The following LRRC4C variants were observed in gnomAD, a reference collection of about 807,000 sequenced individuals.
The protein encoded by LRRC4C is leucine-rich repeat-containing protein 4C.
Under a neutral mutation model 33.6 loss-of-function variants are expected in LRRC4C, and 5 were observed. The observed-to-expected ratio is 0.15, with a 90% CI of 0.08 to 0.31. The LOEUF (loss-of-function observed/expected upper bound fraction) is 0.31, where lower values mean the gene tolerates loss of function less well. LRRC4C is among the 10% of genes least tolerant of loss of function. LRRC4C has a pLI of 1.00. For synonymous variants in LRRC4C, 329 were observed against 302.0 expected, an observed-to-expected ratio of 1.09 and a Z score of -0.93; for missense variants, 560 against 796.7, an observed-to-expected ratio of 0.70 and a Z score of 3.58.
In LRRC4C at chr11:40,680,258, T is replaced by G. The variant is rs554987044; in HGVS notation, c.-406-31980A>C. On this transcript the variant is annotated intron_variant, in intron 2 of 6. Coordinates refer to ENST00000528697, the MANE Select transcript of LRRC4C (RefSeq NM_001258419.2). ...TAGGAAGTAACTAACTTGCTTTTGA[T>G]TTTACAGGCTTACAGGTGGAAGGTA... is the stretch of plus-strand genomic sequence containing the variant. 3.3e-5 allele frequency among the ~76,000 whole-genome samples: 5 copies of G among 152,352 alleles called. No individual in the cohort carries two copies. In the South Asian group the frequency reaches 1.0e-3, roughly 32 times the overall value.
chr11:40,356,288 C>G (rs1158232283), intron 3 of LRRC4C, among the ~76,000 whole-genome samples: 1 of 152,112 alleles, frequency 6.6e-6, no homozygotes, highest in Non-Finnish European at 1.5e-5. Context: ...TCAGAATGAG[C>G]CAGCTCCAGA....
intron 1 of LRRC4C, among the ~76,000 whole-genome samples, chr11:41,089,867 G>C (rs1940278308): frequency 6.6e-6 from 1 of 151,828 alleles, no homozygotes; most frequent in South Asian, 2.1e-4. Context: ...CTAATTTTTA[G>C]TAATATAAAT....
intron 1 of LRRC4C, among the ~76,000 whole-genome samples, chr11:41,439,109 A>G (rs1007882327): frequency 6.6e-6 from 1 of 152,060 alleles, no homozygotes; most frequent in Non-Finnish European, 1.5e-5. Context: ...CTGTATATCT[A>G]TGAGTATCCA....
intron 3 of LRRC4C, among the ~76,000 whole-genome samples, chr11:40,459,389 C>T (rs1952284825): frequency 6.6e-6 from 1 of 151,622 alleles, no homozygotes; most frequent in Non-Finnish European, 1.5e-5. Flanking sequence ...ACTCAGGAAT[C>T]TGTCAGCCAG....
rs77934711 is a variant in LRRC4C, at chr11:40,382,123, A to ATT, written c.-269-62404_-269-62403dup. ...AGGCGCCCACCACTATGCCCGGCTA[A>ATT]TTTTTTTTTTTTTTTTTTTTTTTTT... is the stretch of plus-strand genomic sequence containing the variant. On this transcript the variant is annotated intron_variant, in intron 3 of 6. Coordinates refer to ENST00000528697, the MANE Select transcript of LRRC4C (RefSeq NM_001258419.2). 8.5e-3 allele frequency among the ~76,000 whole-genome samples: 851 copies of ATT among 99,808 alleles called. 20 individuals are homozygous for ATT. The highest frequency in any genetic ancestry group is 0.011 in the Non-Finnish European group (546 of 49,520). 65.5% of individuals were successfully genotyped at this position (99,808 alleles called of 152,430 possible).
intron 3 of LRRC4C, among the ~76,000 whole-genome samples, chr11:40,374,090 A>C (rs929239167): frequency 6.6e-6 from 1 of 152,218 alleles, no homozygotes; most frequent in South Asian, 2.1e-4. Flanking sequence ...TAACAACAAC[A>C]AGCTTTGTCA....
chr11:40,654,932 A>T (rs1041122973), intron 2 of LRRC4C, among the ~76,000 whole-genome samples: 1 of 152,088 alleles, frequency 6.6e-6, no homozygotes, highest in African/African-American at 2.4e-5. Context: ...ATGGTTTTTT[A>T]AGTGTCTGGC....
At chr11:40,866,739 A>T (rs756599903) in intron 2 of LRRC4C, among the ~76,000 whole-genome samples, 7 of 152,060 alleles carry the variant, frequency 4.6e-5, no homozygotes, top group Admixed American at 3.9e-4. Flanking sequence ...CCAGAATAAT[A>T]ATTATTATTA....
intron 6 of LRRC4C, among the ~76,000 whole-genome samples, chr11:40,117,042 T>G (rs1406804447): frequency 6.6e-6 from 1 of 152,204 alleles, no homozygotes; most frequent in African/African-American, 2.4e-5. Context: ...GAATTGCCAT[T>G]CTTTTCATTT....
intron 2 of LRRC4C, among the ~76,000 whole-genome samples, chr11:40,685,920 T>G (rs1299777433): frequency 6.6e-6 from 1 of 151,774 alleles, no homozygotes; most frequent in Non-Finnish European, 1.5e-5. Context: ...TCCTTGACTC[T>G]AAGAATTCTA....
chr11:41,217,275 A>G (rs1045565178), intron 1 of LRRC4C, among the ~76,000 whole-genome samples: 1 of 152,208 alleles, frequency 6.6e-6, no homozygotes, highest in African/African-American at 2.4e-5. Context: ...TTTAGCAACT[A>G]TCTGGTAACT....
chr11:41,222,349 A>T (rs1947344976), intron 1 of LRRC4C, among the ~76,000 whole-genome samples: 1 of 152,192 alleles, frequency 6.6e-6, no homozygotes, highest in Non-Finnish European at 1.5e-5. Flanking sequence ...CCATACAGAC[A>T]GCTGACACTT....
intron 5 of LRRC4C, among the ~76,000 whole-genome samples, chr11:40,156,554 A>C (rs1346957739): frequency 6.6e-6 from 1 of 152,094 alleles, no homozygotes; most frequent in Non-Finnish European, 1.5e-5. Context: ...ACACCAACAG[A>C]AACCAAGCAG....
chr11:41,085,923 G>T, intron 1 of LRRC4C, among the ~76,000 whole-genome samples: 1 of 43,142 alleles, frequency 2.3e-5, no homozygotes, highest in South Asian at 7.5e-4. Context: ...TGATTTTTAA[G>T]ACACCAAAAA....
chr11:40,945,392 G>A (rs1052170523), intron 1 of LRRC4C, among the ~76,000 whole-genome samples: 48 of 152,146 alleles, frequency 3.2e-4, no homozygotes, highest in African/African-American at 1.0e-3. Context: ...TTTAAAAAAA[G>A]TTATCAATTT....
intron 3 of LRRC4C, among the ~76,000 whole-genome samples, chr11:40,510,601 C>T (rs991490074): frequency 6.6e-6 from 1 of 152,130 alleles, no homozygotes; most frequent in Non-Finnish European, 1.5e-5. Context: ...ACAGGTTCCT[C>T]TTTGTTGACA....
intron 5 of LRRC4C, among the ~76,000 whole-genome samples, chr11:40,199,319 T>C (rs760095142): frequency 2.6e-5 from 4 of 152,254 alleles, no homozygotes; most frequent in Non-Finnish European, 2.9e-5. Context: ...GATCCACCCA[T>C]GTCGGTATCC....
intron 3 of LRRC4C, among the ~76,000 whole-genome samples, chr11:40,471,982 A>G (rs1177547710): frequency 6.6e-6 from 1 of 152,172 alleles, no homozygotes; most frequent in African/African-American, 2.4e-5. Context: ...AGTGCAATCA[A>G]ATGAGAACTC....
In LRRC4C at chr11:41,326,627, A is replaced by T. The variant is rs188928959; in HGVS notation, c.-496+132804T>A. Among the ~76,000 whole-genome samples, 19 of 152,338 alleles carry T rather than the reference A, an allele frequency of 1.2e-4. No individual in the cohort carries two copies. The East Asian group carries it at 3.3e-3, about 26-fold the overall frequency. ...CAAAAGTTAAGAATGAGTGATGTAG[A>T]TCTGATATAGAAGTGTTTTTCCAAA... On this transcript the variant is annotated intron_variant, in intron 1 of 6. Coordinates refer to ENST00000528697, the MANE Select transcript of LRRC4C (RefSeq NM_001258419.2).
Sources: allele counts gnomAD v4.1 joint callset (sites outside exome capture counted in the v4.1 genomes callset), GRCh38; gene constraint gnomAD v4.1.1; transcripts MANE v1.5; gene names NCBI Gene and HGNC (gene_info 2026-07-23, HGNC 2026-07-21).